Variants in GRAMD1C observed in about 807,000 individuals in gnomAD.
GRAMD1C encodes the protein protein Aster-C.
GRAMD1C carries 89 observed loss-of-function variants against 97.8 expected under a neutral mutation model. The observed-to-expected ratio is 0.91, with a 90% CI of 0.77 to 1.09. GRAMD1C has a LOEUF of 1.09. Ranked by LOEUF, GRAMD1C falls within the 50% of genes least tolerant of loss-of-function variation. The pLI is 0.00. For synonymous variants in GRAMD1C, 256 were observed against 267.0 expected (o/e 0.96, Z 0.40); for missense variants, 740 against 766.4 (o/e 0.97, Z 0.41).
At chr3:113,889,568 A>G (rs1935636486) in intron 6 of GRAMD1C, among the ~76,000 whole-genome samples, 1 of 152,192 alleles carries the variant, frequency 6.6e-6, no homozygotes, top group Non-Finnish European at 1.5e-5. Context: ...TATGTGAATT[A>G]TAGCACAGTA....
intron 7 of GRAMD1C, among the ~76,000 whole-genome samples, chr3:113,903,323 C>A (rs1338055126): frequency 6.6e-6 from 1 of 152,124 alleles, no homozygotes; most frequent in Non-Finnish European, 1.5e-5. Context: ...ATTCTCTCTT[C>A]TACTTCTTTT....
chr3:113,901,004 C>A, intron 6 of GRAMD1C, 27 bp from the exon 7 acceptor site: 2 of 1,066,224 alleles, frequency 1.9e-6, no homozygotes, highest in Non-Finnish European at 2.9e-6. Context: ...TTTTCCAATG[C>A]TCAGTGTAAT....
At chr3:113,944,294 A>G (rs1051526810) in intron 17 of GRAMD1C, among the ~76,000 whole-genome samples, 1 of 152,200 alleles carries the variant, frequency 6.6e-6, no homozygotes, top group African/African-American at 2.4e-5. Flanking sequence ...ATCCATTCAT[A>G]GGAGCCGTCA....
At chr3:113,943,952 C>G (rs1009963670) in intron 17 of GRAMD1C, among the ~76,000 whole-genome samples, 1 of 152,160 alleles carries the variant, frequency 6.6e-6, no homozygotes, top group African/African-American at 2.4e-5. Flanking sequence ...AATATCTCCT[C>G]TGCCTGACTT....
In GRAMD1C at chr3:113,877,068, G is replaced by A. The variant is rs1029802754; in HGVS notation, c.459+808G>A. ...TTGCCATGTTGCACAGGCCAGCCTC[G>A]AGCATTTGGGTCATGCGATCCTCCA... On this transcript the variant is annotated intron_variant, in intron 5 of 17. Coordinates refer to ENST00000358160, the MANE Select transcript of GRAMD1C (RefSeq NM_017577.5). Among the ~76,000 whole-genome samples the A allele has an allele frequency of 5.9e-5, 9 of 151,798 alleles. No individual in the cohort carries two copies. In the East Asian group the frequency reaches 9.7e-4, roughly 16 times the overall value.
At chr3:113,877,395 T>C (rs1935088687) in intron 5 of GRAMD1C, among the ~76,000 whole-genome samples, 1 of 152,224 alleles carries the variant, frequency 6.6e-6, no homozygotes, top group African/African-American at 2.4e-5. Context: ...ACTATCCCAA[T>C]AATATCCTTT....
intron 10 of GRAMD1C, among the ~76,000 whole-genome samples, chr3:113,926,039 T>A (rs1937220091): frequency 6.6e-6 from 1 of 152,144 alleles, no homozygotes; most frequent in Non-Finnish European, 1.5e-5. Context: ...TTGGGGATGG[T>A]TGTCTTGTAT....
intron 6 of GRAMD1C, among the ~76,000 whole-genome samples, chr3:113,887,930 A>G (rs938170843): frequency 6.6e-6 from 1 of 152,194 alleles, no homozygotes; most frequent in African/African-American, 2.4e-5. Context: ...CAAACTACAA[A>G]AACTGACTCA....
chr3:113,933,214 T>C (rs72954661), intron 11 of GRAMD1C, among the ~76,000 whole-genome samples: 11,287 of 152,032 alleles, frequency 0.074, 1,437 homozygotes, highest in African/African-American at 0.26. Flanking sequence ...ATTTTTTTTG[T>C]AGAGGCTGGG....
Position 113,888,111 on chromosome 3 carries a change from A to G in GRAMD1C, c.540+5279A>G, listed in dbSNP as rs115887258. ...CCAGTATTCTAAAAATAGAGGGAAC[A>G]CTTCACAACTTTATCTATGAGTACA... On this transcript the variant is annotated intron_variant, in intron 6 of 17. Coordinates refer to ENST00000358160, the MANE Select transcript of GRAMD1C (RefSeq NM_017577.5). Among the ~76,000 whole-genome samples, 1,424 of 152,294 alleles carry G rather than the reference A, an allele frequency of 9.4e-3. 18 individuals carry two copies. Among genetic ancestry groups the G allele is most frequent in the African/African-American group, 0.031 (1,288 of 41,574 alleles).
upstream of GRAMD1C, among the ~76,000 whole-genome samples, chr3:113,836,703 G>T (rs1709637122): frequency 6.6e-6 from 1 of 151,738 alleles, no homozygotes; most frequent in African/African-American, 2.4e-5. Flanking sequence ...GAGTGCAATG[G>T]CCTGATCTCG....
At chr3:113,907,758 A>G (rs181659838) in intron 8 of GRAMD1C, among the ~76,000 whole-genome samples, 2 of 152,348 alleles carry the variant, frequency 1.3e-5, no homozygotes, top group Admixed American at 1.3e-4. Context: ...CCACTGAAAG[A>G]TAGTGACTCT....
chr3:113,896,033 A>G (rs1447961973), intron 6 of GRAMD1C, among the ~76,000 whole-genome samples: 1 of 152,196 alleles, frequency 6.6e-6, no homozygotes, highest in Non-Finnish European at 1.5e-5. Flanking sequence ...TCGACAATGT[A>G]AAGTCCATAT....
Position 113,838,816 on chromosome 3 carries a change from G to C in GRAMD1C, c.-94G>C, listed in dbSNP as rs557888216. ...CGGAGGGCCGGCGGAGGAGGCGCGC[G>C]GAGCCTGTAACTCGCAGCGCGCGCT... is the stretch of plus-strand genomic sequence containing the variant. On this transcript the variant is annotated 5_prime_UTR_variant, in exon 1 of 18. Coordinates refer to ENST00000358160, the MANE Select transcript of GRAMD1C (RefSeq NM_017577.5). 58 of 915,300 alleles carry C rather than the reference G, an allele frequency of 6.3e-5. 1 individual carries two copies. In the South Asian group the frequency reaches 2.8e-3, roughly 45 times the overall value. The allele number at this position is 915,300 out of a possible 1,614,324, so 56.7% of individuals were successfully genotyped here. A position where few individuals can be genotyped will look rare whatever the true frequency, so the allele number is the denominator to read the frequency against.
chr3:113,908,540 GAT>G (rs1261182440), intron 8 of GRAMD1C, among the ~76,000 whole-genome samples: 1 of 152,170 alleles, frequency 6.6e-6, no homozygotes, highest in Non-Finnish European at 1.5e-5. Flanking sequence ...GGTCTTGAGA[GAT>G]GGGTGAGTTT....
chr3:113,931,512 C>T (rs1461472059), intron 11 of GRAMD1C, among the ~76,000 whole-genome samples: 1 of 152,050 alleles, frequency 6.6e-6, no homozygotes, highest in Non-Finnish European at 1.5e-5. Context: ...GCGCACGCCA[C>T]CATGCCTGGC....
At chr3:113,908,854 C>A in intron 8 of GRAMD1C, 104 bp from the exon 9 acceptor site, 1 of 631,774 alleles carries the variant, frequency 1.6e-6, no homozygotes, top group Non-Finnish European at 2.7e-6. Context: ...TGTAAATATT[C>A]TTCAAAGCTC....
chr3:113,896,269 C>T (rs1231870044), intron 6 of GRAMD1C, among the ~76,000 whole-genome samples: 1 of 152,194 alleles, frequency 6.6e-6, no homozygotes, highest in African/African-American at 2.4e-5. Context: ...TGTATACTCC[C>T]TCTATTTTGA....
intron 6 of GRAMD1C, chr3:113,886,142 G>T (rs1275902902): frequency 7.5e-6 from 11 of 1,466,462 alleles, no homozygotes; most frequent in Non-Finnish European, 9.0e-6. Context: ...GCCTGGGCAG[G>T]GTCTGCCCCT....
Sources: allele counts gnomAD v4.1 joint callset (sites outside exome capture counted in the v4.1 genomes callset), GRCh38; gene constraint gnomAD v4.1.1; transcripts MANE v1.5; gene names NCBI Gene and HGNC (gene_info 2026-07-23, HGNC 2026-07-21).